IL31RA: variants seen among roughly 807,000 people sequenced by gnomAD.
IL31RA encodes interleukin 31 receptor A, also known as interleukin-31 receptor subunit alpha.
In IL31RA, 66 loss-of-function variants were observed where a neutral mutation model predicts 83.7. That is an observed-to-expected ratio of 0.79 (90% CI 0.65 to 0.97). The LOEUF is 0.97. Ranked by LOEUF, IL31RA falls within the 50% of genes least tolerant of loss-of-function variation. The pLI is 0.00. For missense variants in IL31RA, 798 were observed against 919.4 expected (o/e 0.87, Z 1.71); for synonymous variants, 325 against 329.0 (o/e 0.99, Z 0.13).
chr5:55,858,976 A>G (rs1292813103), intron 1 of IL31RA, among the ~76,000 whole-genome samples: 1 of 152,216 alleles, frequency 6.6e-6, no homozygotes, highest in Admixed American at 6.5e-5. Flanking sequence ...CATGGGGCAC[A>G]AAGGAGGGAC....
chr5:55,908,211 CG>C, intron 10 of IL31RA, 53 bp from the exon 11 acceptor site: 1 of 1,610,460 alleles, frequency 6.2e-7, no homozygotes, highest in Non-Finnish European at 8.5e-7. Context: ...TGTGGGGGAA[CG>C]ATCTCCTGGA....
intron 6 of IL31RA, among the ~76,000 whole-genome samples, chr5:55,890,991 T>C (rs1040289779): frequency 2.0e-5 from 3 of 152,234 alleles, no homozygotes; most frequent in Admixed American, 2.0e-4. Context: ...TATATTGAAA[T>C]AGAATATGTA....
chr5:55,886,942 G>A (rs575783197), intron 5 of IL31RA, among the ~76,000 whole-genome samples: 47 of 152,278 alleles, frequency 3.1e-4, no homozygotes, highest in African/African-American at 1.1e-3. Context: ...GCACTTAACA[G>A]CAATGCATTT....
chr5:55,916,610 A>G (rs1197394204), intron 14 of IL31RA, 34 bp from the exon 15 acceptor site: 3 of 1,592,668 alleles, frequency 1.9e-6, no homozygotes, highest in Non-Finnish European at 2.6e-6. Flanking sequence ...TGACTCCTAA[A>G]TGACCACTTG....
rs869152529 is a variant in IL31RA at position 55,879,425 on chromosome 5, C to CTTTTTTTTTTTTT, written c.455-3606_455-3594dup. Among the ~76,000 whole-genome samples, 110 of 45,798 alleles carry CTTTTTTTTTTTTT rather than the reference C, an allele frequency of 2.4e-3. 32 individuals carry two copies. The highest frequency in any genetic ancestry group is 9.4e-3 in the African/African-American group (97 of 10,358). 30.0% of individuals were successfully genotyped at this position (45,798 alleles called of 152,430 possible). On this transcript the variant is annotated intron_variant, in intron 4 of 14. Coordinates refer to ENST00000652347, the MANE Select transcript of IL31RA (RefSeq NM_139017.7). ...AAGTTTAGTTCAGCCAGTTTCTGTC[C>CTTTTTTTTTTTTT]TTTTTTTTTTTTTTTTTTTTTTTTT...
At chr5:55,839,842 T>A in the IL31RA span, 1 of 755,542 alleles carries the variant, frequency 1.3e-6, no homozygotes. Context: ...CATTTTCTGA[T>A]TCAAGTTCAA....
intron 4 of IL31RA, among the ~76,000 whole-genome samples, chr5:55,881,390 A>G (rs1177086971): frequency 6.6e-6 from 1 of 151,986 alleles, no homozygotes; most frequent in Non-Finnish European, 1.5e-5. Context: ...CACTTGGAAG[A>G]GGGCCAAGTG....
At chr5:55,841,559 A>C in the IL31RA span, among the ~76,000 whole-genome samples, 1 of 152,174 alleles carries the variant, frequency 6.6e-6, no homozygotes, top group Admixed American at 6.5e-5. Flanking sequence ...CAGTCATCAC[A>C]TGGACTCTCA....
chr5:55,901,061 C>T (rs1241527404), intron 8 of IL31RA, among the ~76,000 whole-genome samples: 1 of 152,186 alleles, frequency 6.6e-6, no homozygotes, highest in Non-Finnish European at 1.5e-5. Context: ...ACAACCAGTT[C>T]TAGAATTCTC....
intron 8 of IL31RA, among the ~76,000 whole-genome samples, chr5:55,901,614 A>ATTG (rs946824562): frequency 1.3e-5 from 2 of 148,690 alleles, no homozygotes; most frequent in African/African-American, 4.9e-5. Flanking sequence ...TATTATTATT[A>ATTG]TTATTATTAT....
At chr5:55,907,278 T>C in intron 9 of IL31RA, 81 bp from the exon 10 acceptor site, 1 of 808,446 alleles carries the variant, frequency 1.2e-6, no homozygotes, top group Non-Finnish European at 2.1e-6. Context: ...TCTATAAGTG[T>C]TTGGCCATAA....
intron 7 of IL31RA, 121 bp downstream of exon 7, chr5:55,896,550 C>T (rs1444920735): frequency 2.0e-4 from 94 of 476,000 alleles, no homozygotes; most frequent in Non-Finnish European, 3.8e-6. Context: ...CCTTCCCTTC[C>T]CTCCCCTCCC....
At chr5:55,849,545 C>G (rs927408609), upstream of IL31RA, among the ~76,000 whole-genome samples, 1 of 152,080 alleles carries the variant, frequency 6.6e-6, no homozygotes, top group Admixed American at 6.6e-5. Flanking sequence ...AATAATTATG[C>G]CATTTTTTGG....
chr5:55,867,316 TGC>T (rs757948929), intron 2 of IL31RA, among the ~76,000 whole-genome samples: 8,138 of 148,490 alleles, frequency 0.055, 537 homozygotes, highest in African/African-American at 0.14. Flanking sequence ...TGTGTGTGTG[TGC>T]GTGTGTGTGT....
In IL31RA at chr5:55,851,455, A is replaced by C; in HGVS notation, c.-116A>C. The C allele has an allele frequency of 2.0e-6, 3 of 1,487,248 alleles. No individual in the cohort carries two copies. In the South Asian group the frequency reaches 3.5e-5, roughly 18 times the overall value. 92.1% of individuals were successfully genotyped at this position (1,487,248 alleles called of 1,614,324 possible). A position where few individuals can be genotyped will look rare whatever the true frequency, so the allele number is the denominator to read the frequency against. On this transcript the variant is annotated 5_prime_UTR_variant, in exon 1 of 15. Transcript: ENST00000652347. ...TCACTCATAAAAGGCAAAAAATTGC[A>C]AAAAAAAATAGTAATAACCAGCATG...
Position 55,922,058 on chromosome 5 carries a change from G to GT in IL31RA, c.*4938_*4939insT, listed in dbSNP as rs993743468. 7.0e-4 allele frequency among the ~76,000 whole-genome samples: 102 copies of GT among 146,480 alleles called. 5 individuals are homozygous for GT. The highest frequency in any genetic ancestry group is 3.5e-3 in the Middle Eastern group (1 of 288). ...TCTTGCACTCTTATGTTGTGGCGGG[G>GT]GGGGGGGGCGGTTCCTGAAGAGTGG... On this transcript the variant is annotated 3_prime_UTR_variant, in exon 15 of 15. Coordinates refer to ENST00000652347, the MANE Select transcript of IL31RA (RefSeq NM_139017.7).
intron 5 of IL31RA, among the ~76,000 whole-genome samples, chr5:55,887,365 G>A (rs1747678134): frequency 6.6e-6 from 1 of 152,146 alleles, no homozygotes; most frequent in Admixed American, 6.5e-5. Flanking sequence ...TTCTTTTGTG[G>A]CCCTAGTCTA....
chr5:55,883,288 T>G (rs952983387), intron 5 of IL31RA, 93 bp downstream of exon 5: 22 of 1,153,822 alleles, frequency 1.9e-5, no homozygotes, highest in African/African-American at 3.1e-5. Flanking sequence ...TTATTTCACT[T>G]TTTACATTAA....
chr5:55,865,541 C>G (rs1361267923), intron 2 of IL31RA, among the ~76,000 whole-genome samples: 1 of 152,128 alleles, frequency 6.6e-6, no homozygotes. Context: ...AATCCCAAAC[C>G]TAAACAAAAC....
Sources: gnomAD v4.1 joint callset for allele counts (sites outside exome capture counted in the v4.1 genomes callset) on GRCh38, gnomAD v4.1.1 for gene constraint, MANE v1.5 for transcripts, NCBI Gene and HGNC (gene_info 2026-07-23, HGNC 2026-07-21) for gene names.